AIG1: variants seen among roughly 807,000 people sequenced by gnomAD.
AIG1 encodes the protein androgen induced 1.
AIG1 carries 23 observed loss-of-function variants against 31.4 expected under a neutral mutation model. The ratio of observed to expected loss-of-function variants is 0.73; its 90% CI spans 0.53 to 1.04. The LOEUF is 1.04. Among genes scored for constraint, AIG1 ranks in the 50% least tolerant of loss-of-function variants. The probability of loss-of-function intolerance (pLI) is 0.00; values close to 1 mark genes in which losing one functional copy is unlikely to be tolerated. For missense variants in AIG1, 274 were observed against 295.0 expected (o/e 0.93, Z 0.52); for synonymous variants, 100 against 110.5 (o/e 0.90, Z 0.60).
intron 3 of AIG1, among the ~76,000 whole-genome samples, chr6:143,260,017 CTTTTTTTT>C (rs35620148): frequency 3.5e-5 from 3 of 85,112 alleles, no homozygotes; most frequent in East Asian, 9.6e-4. Context: ...TCTTGTGCTT[CTTTTTTTT>C]TTTTTTTTTT....
chr6:143,081,149 C>T (rs992339963), intron 1 of AIG1, among the ~76,000 whole-genome samples: 1 of 152,152 alleles, frequency 6.6e-6, no homozygotes, highest in Non-Finnish European at 1.5e-5. Context: ...AGGCTATAGG[C>T]AACAGAGCAG....
chr6:143,331,345 A>G lies in AIG1; in HGVS notation c.516-1937A>G, dbSNP rs1777057288. Among the ~76,000 whole-genome samples, 1 of 152,140 alleles carries G rather than the reference A, an allele frequency of 6.6e-6. No individual in the cohort carries two copies. The highest frequency in any genetic ancestry group is 1.5e-5 in the Non-Finnish European group (1 of 68,038). On this transcript the variant is annotated intron_variant, in intron 4 of 5. Coordinates refer to ENST00000357847, the MANE Select transcript of AIG1 (RefSeq NM_016108.4). This position sits in a 1 kb window ranked among gnomAD's most constrained non-coding sequence, Gnocchi z 4.1. Reference sequence around the variant, plus strand: ...ACATAAACTCTGTTCCCGTTAAACAATAACTCCCTATTCTCCACTCCCCCG... The same window carrying G: ...ACATAAACTCTGTTCCCGTTAAACAGTAACTCCCTATTCTCCACTCCCCCG...
At chr6:143,278,691 A>G (rs1244450379) in intron 3 of AIG1, among the ~76,000 whole-genome samples, 2 of 148,998 alleles carry the variant, frequency 1.3e-5, no homozygotes, top group Non-Finnish European at 3.0e-5. Flanking sequence ...CTGGTCTCGA[A>G]CTCCTGACCT....
At chr6:143,126,470 A>C (rs1047028148) in intron 1 of AIG1, among the ~76,000 whole-genome samples, 2 of 152,160 alleles carry the variant, frequency 1.3e-5, no homozygotes, top group African/African-American at 2.4e-5. Context: ...GTTGGAGTTC[A>C]CTCTTGATAA....
chr6:143,091,441 A>G (rs1002953554), intron 1 of AIG1, among the ~76,000 whole-genome samples: 2 of 152,240 alleles, frequency 1.3e-5, no homozygotes, highest in Non-Finnish European at 2.9e-5. Flanking sequence ...GCAGATTATA[A>G]TGAGCTTAAC....
rs951744812 is a variant in AIG1, at chr6:143,279,271, A to G, written c.400-4839A>G. ...AGGTGGGTCAGCCCTGGCATGTGTTATAGCAAAACTCATTAGCTCTTCAGG... is the reference window on the plus strand; with the variant it reads ...AGGTGGGTCAGCCCTGGCATGTGTTGTAGCAAAACTCATTAGCTCTTCAGG... On this transcript the variant is annotated intron_variant, in intron 3 of 5. Coordinates refer to ENST00000357847, the MANE Select transcript of AIG1 (RefSeq NM_016108.4). The surrounding 1 kb of genome is among the most constrained non-coding windows in gnomAD (Gnocchi z 5.4). 1.2e-4 allele frequency among the ~76,000 whole-genome samples: 19 copies of G among 152,176 alleles called. No homozygotes were observed. The highest frequency in any genetic ancestry group is 4.3e-4 in the African/African-American group (18 of 41,442).
rs1797293459 is a variant in AIG1 at position 143,280,794 on chromosome 6, G to A, written c.400-3316G>A. 6.6e-6 allele frequency among the ~76,000 whole-genome samples: 1 copy of A among 152,092 alleles called. No individual in the cohort carries two copies. Among genetic ancestry groups the A allele is most frequent in the Non-Finnish European group, 1.5e-5 (1 of 68,010 alleles). The stretch of plus-strand genomic sequence containing the variant: ...GTACTGGGCTTAATACCTGGGTGAT[G>A]AGATAATACGTACAATGAAACCCCA... On this transcript the variant is annotated intron_variant, in intron 3 of 5. Coordinates refer to ENST00000357847, the MANE Select transcript of AIG1 (RefSeq NM_016108.4). This position sits in a 1 kb window ranked among gnomAD's most constrained non-coding sequence, Gnocchi z 4.1.
intron 3 of AIG1, among the ~76,000 whole-genome samples, chr6:143,246,358 T>C (rs1216561857): frequency 6.6e-6 from 1 of 151,730 alleles, no homozygotes; most frequent in East Asian, 1.9e-4. Context: ...GAGGAGCAAG[T>C]CACATCTTAC....
chr6:143,329,878 T>C lies in AIG1; in HGVS notation c.516-3404T>C, dbSNP rs1398985565. 6.6e-6 allele frequency among the ~76,000 whole-genome samples: 1 copy of C among 152,218 alleles called. No individual in the cohort carries two copies. The highest frequency in any genetic ancestry group is 1.5e-5 in the Non-Finnish European group (1 of 68,044). ...GTCTATGGCTGCTTTTGCACTACAA[T>C]GGCGGAGTTGAGTAGGTGTGATCGA... On this transcript the variant is annotated intron_variant, in intron 4 of 5. Transcript: ENST00000357847. The surrounding 1 kb of genome is among the most constrained non-coding windows in gnomAD (Gnocchi z 4.9).
chr6:143,153,078 A>C (rs1785391713), intron 2 of AIG1, among the ~76,000 whole-genome samples: 1 of 152,188 alleles, frequency 6.6e-6, no homozygotes, highest in South Asian at 2.1e-4. Context: ...CCAGAGCGAC[A>C]ACTGGTCACA....
At chr6:143,122,698 C>T (rs966786093) in intron 1 of AIG1, among the ~76,000 whole-genome samples, 2 of 151,972 alleles carry the variant, frequency 1.3e-5, no homozygotes, top group Non-Finnish European at 2.9e-5. Context: ...TTTTTTATCT[C>T]CTCAAATCCA....
At chr6:143,185,801 C>T (rs762074587) in intron 3 of AIG1, among the ~76,000 whole-genome samples, 57 of 152,260 alleles carry the variant, frequency 3.7e-4, no homozygotes, top group Admixed American at 6.5e-4. Context: ...AGGGAATGAA[C>T]TTCTATCACA....
intron 1 of AIG1, among the ~76,000 whole-genome samples, chr6:143,105,744 C>A (rs1583192932): frequency 6.6e-6 from 1 of 152,242 alleles, no homozygotes. Flanking sequence ...CAAGGTCAGG[C>A]CCCTCACACA....
chr6:143,303,354 T>G (rs1162480911), intron 4 of AIG1, among the ~76,000 whole-genome samples: 2 of 152,066 alleles, frequency 1.3e-5, no homozygotes, highest in African/African-American at 4.8e-5. Flanking sequence ...TTTTTATGGT[T>G]TTAGGTCTAA....
chr6:143,274,948 G>A (rs1295230967), intron 3 of AIG1, among the ~76,000 whole-genome samples: 1 of 152,166 alleles, frequency 6.6e-6, no homozygotes, highest in African/African-American at 2.4e-5. Context: ...CTCAGTAAAT[G>A]GTAGCTATTA....
intron 3 of AIG1, among the ~76,000 whole-genome samples, chr6:143,202,678 G>A (rs1790796411): frequency 6.6e-6 from 1 of 152,126 alleles, no homozygotes; most frequent in Admixed American, 6.5e-5. Flanking sequence ...AGAAGGTTCT[G>A]CATTCCCTCG....
intron 3 of AIG1, among the ~76,000 whole-genome samples, chr6:143,196,395 A>ACC (rs34180238): frequency 1.7e-4 from 23 of 136,862 alleles, no homozygotes; most frequent in African/African-American, 5.2e-4. Flanking sequence ...ACACACACAC[A>ACC]CCCCAATTTG....
At chr6:143,309,564 G>A (rs560124162) in intron 4 of AIG1, among the ~76,000 whole-genome samples, 222 of 151,954 alleles carry the variant, frequency 1.5e-3, no homozygotes, top group African/African-American at 2.6e-3. Context: ...AAAACAGAAA[G>A]GGGGAAGGGC....
intron 3 of AIG1, among the ~76,000 whole-genome samples, chr6:143,250,318 A>G (rs1046295875): frequency 2.0e-5 from 3 of 152,216 alleles, no homozygotes; most frequent in Non-Finnish European, 4.4e-5. Flanking sequence ...AAATGTTTTC[A>G]TGCCACTTAC....
Sources: allele counts gnomAD v4.1 joint callset (sites outside exome capture counted in the v4.1 genomes callset), GRCh38; gene constraint gnomAD v4.1.1; non-coding constraint Gnocchi (gnomAD v3.1); transcripts MANE v1.5; gene names NCBI Gene and HGNC (gene_info 2026-07-23, HGNC 2026-07-21).